Variants in PRDM1 observed in about 807,000 individuals in gnomAD.
PRDM1 encodes PR domain zinc finger protein 1.
A neutral mutation model predicts 62.8 loss-of-function variants in PRDM1; 13 were observed. The ratio of observed to expected loss-of-function variants is 0.21; its 90% CI spans 0.13 to 0.33. PRDM1 has a LOEUF of 0.33. PRDM1 is among the 10% of genes least tolerant of loss of function. PRDM1 has a pLI of 1.00. For missense variants in PRDM1, 895 were observed against 1,058.8 expected (o/e 0.85, Z 2.15); for synonymous variants, 396 against 417.6 (o/e 0.95, Z 0.63).
intron 1 of PRDM1, among the ~76,000 whole-genome samples, chr6:106,002,067 A>T: frequency 6.8e-6 from 1 of 147,500 alleles, no homozygotes; most frequent in African/African-American, 2.5e-5. Flanking sequence ...AGTTTAGATT[A>T]AAAAAAAAAA....
chr6:106,058,305 G>C (rs537676769), intron 1 of PRDM1, among the ~76,000 whole-genome samples: 1 of 152,134 alleles, frequency 6.6e-6, no homozygotes, highest in African/African-American at 2.4e-5. Context: ...CTTCTCACTT[G>C]TTGTATCCTC....
Position 105,994,204 on chromosome 6 carries a change from C to G in PRDM1, c.-67+565C>G, listed in dbSNP as rs1011399520. Among the ~76,000 whole-genome samples, 14 of 152,120 alleles carry G rather than the reference C, an allele frequency of 9.2e-5. No homozygotes were observed. Among genetic ancestry groups the G allele is most frequent in the Middle Eastern group, 3.4e-3 (1 of 294 alleles). Reference sequence around the variant, plus strand: ...GACGCCGCATCTACTGAGCGGTCGCCGAAGACGCCGGGAGGCGAGGGGCGA... The same window carrying G: ...GACGCCGCATCTACTGAGCGGTCGCGGAAGACGCCGGGAGGCGAGGGGCGA... On this transcript the variant is annotated intron_variant, in intron 1 of 6. Coordinates refer to the PRDM1 transcript ENST00000652320. This position sits in a 1 kb window ranked among gnomAD's most constrained non-coding sequence, Gnocchi z 4.1.
chr6:106,099,170 T>C, intron 3 of PRDM1, 130 bp from the exon 4 acceptor site: 7 of 1,603,668 alleles, frequency 4.4e-6, no homozygotes, highest in South Asian at 1.1e-5. Context: ...CTAAACTGAT[T>C]GGATTCTTTT....
chr6:106,037,560 G>A (rs1044205680), intron 1 of PRDM1, among the ~76,000 whole-genome samples: 4 of 151,712 alleles, frequency 2.6e-5, no homozygotes, highest in African/African-American at 9.7e-5. Flanking sequence ...TTTTCTTTCT[G>A]TTTCTCAGAC....
chr6:106,045,394 C>G (rs925345306), upstream of PRDM1: 3 of 151,942 alleles, frequency 2.0e-5, no homozygotes, highest in Non-Finnish European at 4.4e-5. Flanking sequence ...AAAAAGCAAA[C>G]AGACTTTATT....
chr6:106,039,021 G>A (rs1018704120), intron 1 of PRDM1, among the ~76,000 whole-genome samples: 12 of 152,174 alleles, frequency 7.9e-5, no homozygotes, highest in African/African-American at 2.9e-4. Flanking sequence ...AATAGAACTT[G>A]TAAATTCAAA....
Position 106,086,345 on chromosome 6 carries a change from A to G in PRDM1, c.-209A>G, listed in dbSNP as rs1195331558. The G allele has an allele frequency of 2.4e-5, 12 of 501,310 alleles. No individual in the cohort carries two copies. Among genetic ancestry groups the G allele is most frequent in the African/African-American group, 1.0e-4 (5 of 50,158 alleles). 31.1% of individuals were successfully genotyped at this position (501,310 alleles called of 1,614,324 possible). On this transcript the variant is annotated 5_prime_UTR_variant, in exon 1 of 7. Coordinates refer to ENST00000369096, the MANE Select transcript of PRDM1 (RefSeq NM_001198.4). ...GGGAAGCCAGACGGTTAACACAGAC[A>G]AAGTGCTGCCGTGACACTCGGCCCT...
At chr6:106,095,371 C>A (rs1224822922) in intron 2 of PRDM1, among the ~76,000 whole-genome samples, 1 of 152,190 alleles carries the variant, frequency 6.6e-6, no homozygotes, top group African/African-American at 2.4e-5. Flanking sequence ...TATTACCAGA[C>A]AATAATCCCC....
intron 1 of PRDM1, among the ~76,000 whole-genome samples, chr6:106,012,706 G>A (rs1772573078): frequency 6.6e-6 from 1 of 152,192 alleles, no homozygotes; most frequent in Admixed American, 6.5e-5. Flanking sequence ...TGCCCCAGAT[G>A]TGTTCAGGTA....
At chr6:106,047,130 T>C (rs910265301), upstream of PRDM1, among the ~76,000 whole-genome samples, 1 of 152,224 alleles carries the variant, frequency 6.6e-6, no homozygotes, top group Non-Finnish European at 1.5e-5. Flanking sequence ...ACTGTAGTCA[T>C]ATTGTACCCA....
chr6:106,058,185 C>T (rs1773293468), intron 1 of PRDM1, among the ~76,000 whole-genome samples: 1 of 152,148 alleles, frequency 6.6e-6, no homozygotes. Flanking sequence ...GAGTGGGCAG[C>T]TTGTAAACAA....
chr6:106,049,345 C>A (rs1773133993), intron 1 of PRDM1, among the ~76,000 whole-genome samples: 1 of 152,212 alleles, frequency 6.6e-6, no homozygotes, highest in Non-Finnish European at 1.5e-5. Context: ...AGGTGACTGA[C>A]CAAGTCGTGT....
Position 106,086,501 on chromosome 6 carries a change from G to A in PRDM1, c.-53G>A. ...GCGCGTCTGTGCGGCTCAGCCTGGC[G>A]GGGGACGCGGGGAGAATGTGGACTG... is the stretch of plus-strand genomic sequence containing the variant. On this transcript the variant is annotated 5_prime_UTR_variant, in exon 1 of 7. Transcript: ENST00000369096. 1 of 1,518,152 alleles carries A rather than the reference G, an allele frequency of 6.6e-7. No individual in the cohort carries two copies. The allele number at this position is 1,518,152 out of a possible 1,614,324, so 94.0% of individuals were successfully genotyped here.
chr6:106,104,143 G>A (rs947710600), intron 4 of PRDM1, among the ~76,000 whole-genome samples: 2 of 151,834 alleles, frequency 1.3e-5, no homozygotes, highest in Non-Finnish European at 2.9e-5. Context: ...ACATCAGAAA[G>A]ACTTTTATTA....
intron 1 of PRDM1, among the ~76,000 whole-genome samples, chr6:106,067,540 TA>T (rs1388481791): frequency 6.6e-6 from 1 of 152,046 alleles, no homozygotes; most frequent in Non-Finnish European, 1.5e-5. Flanking sequence ...ATATAAGACA[TA>T]AAAAGGACTG....
chr6:106,103,352 T>G (rs964891098), intron 4 of PRDM1, among the ~76,000 whole-genome samples: 5 of 152,162 alleles, frequency 3.3e-5, no homozygotes, highest in Non-Finnish European at 7.3e-5. Context: ...AGATAGCAAG[T>G]GTGGAGTTCT....
chr6:106,062,630 G>A (rs1319551505), intron 1 of PRDM1, among the ~76,000 whole-genome samples: 3 of 152,140 alleles, frequency 2.0e-5, no homozygotes, highest in Non-Finnish European at 1.5e-5. Flanking sequence ...GTATAGAAAA[G>A]GTTTTGAATA....
intron 1 of PRDM1, among the ~76,000 whole-genome samples, chr6:106,042,398 A>G (rs182701838): frequency 7.3e-5 from 11 of 151,552 alleles, no homozygotes; most frequent in Admixed American, 1.3e-4. Flanking sequence ...GTGGTGGTGC[A>G]TGCCTGTAAT....
intron 1 of PRDM1, among the ~76,000 whole-genome samples, chr6:106,006,907 A>G (rs927580146): frequency 7.9e-5 from 12 of 151,966 alleles, no homozygotes; most frequent in African/African-American, 2.9e-4. Flanking sequence ...CTCTCTGCTC[A>G]GTGATCGTTT....
Sources: allele counts gnomAD v4.1 joint callset (sites outside exome capture counted in the v4.1 genomes callset), GRCh38; gene constraint gnomAD v4.1.1; non-coding constraint Gnocchi (gnomAD v3.1); transcripts MANE v1.5; gene names NCBI Gene and HGNC (gene_info 2026-07-23, HGNC 2026-07-21).